Variants in KCNH1 observed in about 807,000 individuals in gnomAD.
KCNH1 encodes voltage-gated delayed rectifier potassium channel KCNH1.
Under a neutral mutation model 69.2 loss-of-function variants are expected in KCNH1, and 27 were observed. The observed-to-expected ratio is 0.39, with a 90% CI of 0.29 to 0.54. The LOEUF (loss-of-function observed/expected upper bound fraction) is 0.54. Among genes scored for constraint, KCNH1 ranks in the 20% least tolerant of loss-of-function variants. KCNH1 has a pLI of 0.68. For synonymous variants in KCNH1, 456 were observed against 487.7 expected (o/e 0.93, Z 0.86); for missense variants, 798 against 1,261.6 (o/e 0.63, Z 5.57).
In KCNH1 at chr1:211,093,882, A is replaced by G. The variant is rs535997387; in HGVS notation, c.311-3192T>C. On this transcript the variant is annotated intron_variant, in intron 3 of 10. Coordinates refer to ENST00000271751, the MANE Select transcript of KCNH1 (RefSeq NM_172362.3). Reference sequence around the variant, plus strand: ...TCTGCTTTGCTCCCCTACCCTATAAAGGGGGGAAGGCAAAAGGCAGGAAGG... The same window carrying G: ...TCTGCTTTGCTCCCCTACCCTATAAGGGGGGGAAGGCAAAAGGCAGGAAGG... Among the ~76,000 whole-genome samples the G allele has an allele frequency of 8.5e-5, 13 of 152,182 alleles. 2 individuals are homozygous for G. Among genetic ancestry groups the G allele is most frequent in the Admixed American group, 8.5e-4 (13 of 15,288 alleles).
intron 1 of KCNH1, among the ~76,000 whole-genome samples, chr1:211,121,574 A>T (rs994462567): frequency 6.6e-6 from 1 of 152,234 alleles, no homozygotes; most frequent in African/African-American, 2.4e-5. Context: ...AAACCATAAA[A>T]ACCCTAGAAG....
At chr1:210,761,590 G>T (rs550711271) in intron 10 of KCNH1, among the ~76,000 whole-genome samples, 3 of 152,076 alleles carry the variant, frequency 2.0e-5, no homozygotes, top group Non-Finnish European at 4.4e-5. Flanking sequence ...GCAGGGGGTC[G>T]CTAGTCTTAT....
chr1:210,720,251 G>C (rs1682419540), intron 10 of KCNH1, among the ~76,000 whole-genome samples: 1 of 152,152 alleles, frequency 6.6e-6, no homozygotes, highest in Admixed American at 6.6e-5. Context: ...GAGAAAACAG[G>C]TGTGTAGAAA....
intron 7 of KCNH1, among the ~76,000 whole-genome samples, chr1:210,820,460 C>A (rs1011028409): frequency 6.6e-6 from 1 of 151,958 alleles, no homozygotes; most frequent in Non-Finnish European, 1.5e-5. Context: ...ATGGTGAAAC[C>A]CTGTCTCTAC....
intron 7 of KCNH1, among the ~76,000 whole-genome samples, chr1:210,827,344 A>G (rs977894495): frequency 8.6e-6 from 1 of 116,684 alleles, no homozygotes. Flanking sequence ...AAACAGAAAA[A>G]GAAAAAGAAA....
intron 7 of KCNH1, among the ~76,000 whole-genome samples, chr1:210,887,047 C>A (rs182536627): frequency 1.2e-3 from 190 of 152,174 alleles, no homozygotes; most frequent in African/African-American, 4.3e-3. Flanking sequence ...ATACAGAGAA[C>A]ACCAAAAACA....
rs1690204278 is a variant in KCNH1 at position 211,051,484 on chromosome 1, T to C, written c.558+31296A>G. Among the ~76,000 whole-genome samples, 3 of 152,082 alleles carry C rather than the reference T, an allele frequency of 2.0e-5. No individual in the cohort carries two copies. In the South Asian group the frequency reaches 6.2e-4, roughly 32 times the overall value. On this transcript the variant is annotated intron_variant, in intron 5 of 10. Transcript: ENST00000271751. ...AAGGCCTCAAAGAGCACATGTGAGATCTACACTGAGACTTGAAGAGTAGGA... is the reference window on the plus strand; with the variant it reads ...AAGGCCTCAAAGAGCACATGTGAGACCTACACTGAGACTTGAAGAGTAGGA...
chr1:210,753,545 A>C lies in KCNH1; in HGVS notation c.2112+21803T>G, dbSNP rs73069509. On this transcript the variant is annotated intron_variant, in intron 10 of 10. Coordinates refer to ENST00000271751, the MANE Select transcript of KCNH1 (RefSeq NM_172362.3). ...CCTGGGCTCAGGGCCCAAGTGTTTG[A>C]TGCACAGCTTCCCACTCTTTCAATG... 5.3e-3 allele frequency among the ~76,000 whole-genome samples: 809 copies of C among 152,288 alleles called. 6 individuals carry two copies. The highest frequency in any genetic ancestry group is 0.018 in the African/African-American group (766 of 41,556).
intron 1 of KCNH1, among the ~76,000 whole-genome samples, chr1:211,125,895 T>C (rs1229511082): frequency 2.0e-5 from 3 of 152,268 alleles, no homozygotes; most frequent in Non-Finnish European, 2.9e-5. Context: ...CATTTTACTT[T>C]ACATAATGAA....
chr1:210,993,426 G>C (rs1688969505), intron 6 of KCNH1, among the ~76,000 whole-genome samples: 2 of 152,060 alleles, frequency 1.3e-5, no homozygotes, highest in Non-Finnish European at 2.9e-5. Flanking sequence ...ATATTAAAAA[G>C]GTAACAGTAC....
intron 10 of KCNH1, 76 bp from the exon 11 acceptor site, chr1:210,684,214 G>T: frequency 7.1e-7 from 1 of 1,410,954 alleles, no homozygotes; most frequent in Non-Finnish European, 9.3e-7. Flanking sequence ...CAGCCCTTCT[G>T]CCTATCTTGG....
intron 5 of KCNH1, among the ~76,000 whole-genome samples, chr1:211,064,979 A>G (rs1401230587): frequency 3.9e-5 from 6 of 152,224 alleles, no homozygotes; most frequent in Non-Finnish European, 7.3e-5. Context: ...CAAAAAGATT[A>G]AAGATAAGCA....
chr1:210,867,643 T>C (rs900134004), intron 7 of KCNH1, among the ~76,000 whole-genome samples: 1 of 152,046 alleles, frequency 6.6e-6, no homozygotes, highest in Non-Finnish European at 1.5e-5. Context: ...ATATTTTTAT[T>C]ACCCCAAAAA....
At chr1:210,840,771 A>G (rs9645355) in intron 7 of KCNH1, among the ~76,000 whole-genome samples, 127,696 of 152,140 alleles carry the variant, frequency 0.84, 53,793 homozygotes, top group African/African-American at 0.88. Flanking sequence ...GACTCAAAAA[A>G]GCCCCTCAAG....
chr1:210,987,071 T>G (rs1688853812), intron 6 of KCNH1, among the ~76,000 whole-genome samples: 1 of 152,230 alleles, frequency 6.6e-6, no homozygotes, highest in African/African-American at 2.4e-5. Flanking sequence ...TCCAGGTGAG[T>G]GAATCAGCTA....
chr1:210,914,851 G>A (rs1272629360), intron 7 of KCNH1, among the ~76,000 whole-genome samples: 1 of 152,174 alleles, frequency 6.6e-6, no homozygotes, highest in African/African-American at 2.4e-5. Context: ...AAGTGCTGAG[G>A]TAGGAGACCA....
At chr1:210,839,212 T>C (rs1558491249) in intron 7 of KCNH1, among the ~76,000 whole-genome samples, 1 of 152,162 alleles carries the variant, frequency 6.6e-6, no homozygotes, top group Admixed American at 6.6e-5. Context: ...ATATACACCA[T>C]GGAATACTAT....
chr1:210,988,305 G>A (rs887540703), intron 6 of KCNH1, among the ~76,000 whole-genome samples: 10 of 152,176 alleles, frequency 6.6e-5, no homozygotes, highest in Admixed American at 2.0e-4. Context: ...CCCACTGTCC[G>A]GCACTCCCCA....
intron 5 of KCNH1, among the ~76,000 whole-genome samples, chr1:211,023,385 A>G (rs1689625182): frequency 6.6e-6 from 1 of 151,776 alleles, no homozygotes; most frequent in South Asian, 2.1e-4. Context: ...TAGCCAAGAT[A>G]TAGAATCAAC....
Sources: allele counts gnomAD v4.1 joint callset (sites outside exome capture counted in the v4.1 genomes callset), GRCh38; gene constraint gnomAD v4.1.1; transcripts MANE v1.5; gene names NCBI Gene and HGNC (gene_info 2026-07-23, HGNC 2026-07-21).